TNN: variants seen among roughly 807,000 people sequenced by gnomAD.
TNN encodes tenascin N.
TNN carries 122 observed loss-of-function variants against 134.4 expected under a neutral mutation model. The ratio of observed to expected loss-of-function variants is 0.91; its 90% confidence interval spans 0.78 to 1.06. The LOEUF is 1.06. Among genes scored for constraint, TNN ranks in the 50% least tolerant of loss-of-function variants. The pLI, the probability that TNN is intolerant of heterozygous loss-of-function variation, is 0.00. For missense variants in TNN, 1,739 were observed against 1,699.4 expected, an observed-to-expected ratio of 1.02 and a Z score of -0.41; for synonymous variants, 710 against 670.3, an observed-to-expected ratio of 1.06 and a Z score of -0.91.
chr1:175,078,745 T>TAGGGTCAGAG (rs1462809780), intron 2 of TNN, among the ~76,000 whole-genome samples: 1 of 152,214 alleles, frequency 6.6e-6, no homozygotes, highest in African/African-American at 2.4e-5. Context: ...TCTTGCTGTG[T>TAGGGTCAGAG]AGGGTCAGAG....
chr1:175,103,417 G>T (rs1674779170), intron 9 of TNN, among the ~76,000 whole-genome samples: 1 of 146,076 alleles, frequency 6.8e-6, no homozygotes, highest in Non-Finnish European at 1.5e-5. Flanking sequence ...CTGCCAAAGA[G>T]TCTATTTGGG....
intron 17 of TNN, among the ~76,000 whole-genome samples, chr1:175,140,789 A>T (rs928929096): frequency 6.6e-6 from 1 of 152,204 alleles, no homozygotes; most frequent in Non-Finnish European, 1.5e-5. Flanking sequence ...CCGCTTTTAA[A>T]TTCTGAATTA....
intron 15 of TNN, among the ~76,000 whole-genome samples, chr1:175,130,345 A>G (rs1675644250): frequency 1.3e-5 from 2 of 152,224 alleles, no homozygotes. Context: ...GCGACATCTG[A>G]CGGTTGAAAG....
chr1:175,124,221 A>T (rs544380107), intron 12 of TNN, among the ~76,000 whole-genome samples: 1 of 152,338 alleles, frequency 6.6e-6, no homozygotes, highest in East Asian at 1.9e-4. Context: ...TGTCCATTCC[A>T]TCCATGGCTG....
intron 9 of TNN, 136 bp downstream of exon 9, chr1:175,098,731 C>T: frequency 1.6e-6 from 2 of 1,287,370 alleles, no homozygotes; most frequent in Non-Finnish European, 2.1e-6. Flanking sequence ...CATTGTGTCC[C>T]CCTCACTTCC....
intron 11 of TNN, among the ~76,000 whole-genome samples, chr1:175,119,820 A>G (rs948302292): frequency 2.0e-5 from 3 of 151,736 alleles, no homozygotes; most frequent in African/African-American, 7.3e-5. Flanking sequence ...TTGTATTTTT[A>G]GTAGAGACGG....
chr1:175,109,672 A>ATT (rs1049042230), intron 9 of TNN, among the ~76,000 whole-genome samples: 2 of 148,606 alleles, frequency 1.3e-5, no homozygotes, highest in African/African-American at 4.9e-5. Context: ...GTATATATAT[A>ATT]TTATATATAT....
intron 9 of TNN, among the ~76,000 whole-genome samples, chr1:175,103,270 C>T (rs1674774247): frequency 6.8e-6 from 1 of 146,142 alleles, no homozygotes; most frequent in African/African-American, 2.5e-5. Context: ...AAGCCTTTTC[C>T]TGTAAACTCC....
rs765984022 is a variant in TNN at position 175,094,078 on chromosome 1, CA to C, written c.1415del (p.Lys472SerfsTer3). 10 of 1,614,072 alleles carry C rather than the reference CA, an allele frequency of 6.2e-6. No homozygotes were observed. The highest frequency in any genetic ancestry group is 1.3e-5 in the African/African-American group (1 of 74,932). On this transcript the variant is annotated frameshift_variant, in exon 7 of 19. Transcript: ENST00000239462. LOFTEE classifies it high-confidence loss of function. ...SWDPVQAVID[K>X]YVVRYTSADG... ...GGGACCCAGTGCAGGCTGTCATAGA[CA>C]AGTATGTAGTGCGCTACACTTCTGC...
intron 9 of TNN, among the ~76,000 whole-genome samples, chr1:175,111,734 G>A (rs1482892844): frequency 6.6e-6 from 1 of 151,250 alleles, no homozygotes; most frequent in Non-Finnish European, 1.5e-5. Context: ...TTATTTATGG[G>A]TGTGTTTTTA....
chr1:175,106,291 G>A (rs1041784049), intron 9 of TNN, among the ~76,000 whole-genome samples: 1 of 145,916 alleles, frequency 6.9e-6, no homozygotes, highest in African/African-American at 2.5e-5. Flanking sequence ...TTCAGGGTTG[G>A]AAGAGTGACA....
intron 2 of TNN, 124 bp from the exon 3 acceptor site, chr1:175,079,209 G>A (rs2149426759): frequency 1.2e-5 from 13 of 1,086,126 alleles, no homozygotes; most frequent in East Asian, 3.5e-5. Flanking sequence ...GCAAGACCCA[G>A]AAATCACCAG....
At chr1:175,142,086 C>T (rs1214091241) in intron 17 of TNN, among the ~76,000 whole-genome samples, 4 of 152,138 alleles carry the variant, frequency 2.6e-5, no homozygotes, top group Non-Finnish European at 4.4e-5. Flanking sequence ...AGACACTGCA[C>T]GTTATTTCAA....
chr1:175,087,299 T>C (rs948456891), intron 6 of TNN, among the ~76,000 whole-genome samples: 7 of 152,166 alleles, frequency 4.6e-5, no homozygotes, highest in African/African-American at 1.7e-4. Flanking sequence ...ATAATTCCCA[T>C]GTTGGAAGAG....
intron 4 of TNN, among the ~76,000 whole-genome samples, chr1:175,081,956 G>A (rs1272357804): frequency 6.6e-6 from 1 of 152,198 alleles, no homozygotes; most frequent in African/African-American, 2.4e-5. Context: ...TCAGCTATTT[G>A]TGTGGTTTGG....
intron 6 of TNN, among the ~76,000 whole-genome samples, chr1:175,086,247 C>T (rs1333747779): frequency 6.6e-6 from 1 of 152,174 alleles, no homozygotes; most frequent in Non-Finnish European, 1.5e-5. Context: ...TAAAAACCCT[C>T]ACATGGGAGT....
chr1:175,097,387 C>T, intron 7 of TNN, 30 bp from the exon 8 acceptor site: 10 of 1,613,022 alleles, frequency 6.2e-6, no homozygotes, highest in Non-Finnish European at 8.5e-6. Flanking sequence ...GTGGTAAAGG[C>T]TACATTCTTC....
At chr1:175,119,046 G>A (rs1196620463) in intron 11 of TNN, among the ~76,000 whole-genome samples, 10 of 152,222 alleles carry the variant, frequency 6.6e-5, no homozygotes, top group African/African-American at 1.7e-4. Flanking sequence ...TAGGAAAGGC[G>A]TCCCGATCCA....
At chr1:175,140,518 A>G (rs929066527) in intron 17 of TNN, among the ~76,000 whole-genome samples, 3 of 152,208 alleles carry the variant, frequency 2.0e-5, no homozygotes, top group Admixed American at 6.5e-5. Context: ...AGCCTGTGTT[A>G]AAGTGATCCA....
Sources: gnomAD v4.1 joint callset for allele counts (sites outside exome capture counted in the v4.1 genomes callset) on GRCh38, gnomAD v4.1.1 for gene constraint, MANE v1.5 for transcripts, NCBI Gene and HGNC (gene_info 2026-07-23, HGNC 2026-07-21) for gene names.